FRMD3: variants seen among roughly 807,000 people sequenced by gnomAD.
FRMD3 encodes the protein FERM domain containing 3.
In FRMD3, 33 loss-of-function variants were observed where a neutral mutation model predicts 70.2. That is an observed-to-expected ratio of 0.47 (90% CI 0.36 to 0.63). FRMD3 has a LOEUF of 0.63. Among genes scored for constraint, FRMD3 ranks in the 20% least tolerant of loss-of-function variants. The pLI, the probability that FRMD3 is intolerant of heterozygous loss-of-function variation, is 0.00. For synonymous variants in FRMD3, 279 were observed against 255.9 expected, an observed-to-expected ratio of 1.09 and a Z score of -0.86; for missense variants, 632 against 711.4, an observed-to-expected ratio of 0.89 and a Z score of 1.27.
At position 83,248,328 on chromosome 9, in the gene FRMD3, C is replaced by T. The variant is rs1384517413; in HGVS notation, c.1384G>A (p.Glu462Lys). The change falls in exon 14 of 14, where the codon GAG becomes AAG. Residue 462 changes from glutamate to lysine, a missense_variant. By Grantham distance (56) the Glu-to-Lys change is moderately conservative. This residue lies in a region of FRMD3 where 418 missense variants were observed against 442.1 expected (regional missense o/e 0.95). Transcript: ENST00000304195. ...SLLPTPVDDD[E>K]IDMLFDCPSR... ...GGACAGTCAAAGAGCATGTCAATCT[C>T]ATCGTCATCCACAGGGGTGGGGAGC... The T allele has an allele frequency of 8.7e-6, 14 of 1,614,082 alleles. No individual in the cohort carries two copies. In the Admixed American group the frequency reaches 2.3e-4, roughly 27 times the overall value.
intron 2 of FRMD3, among the ~76,000 whole-genome samples, chr9:83,383,340 A>G (rs11998917): frequency 0.032 from 4,892 of 152,328 alleles, 257 homozygotes; most frequent in African/African-American, 0.11. Context: ...AAGGCTCATT[A>G]AACAGCAATA....
intron 12 of FRMD3, among the ~76,000 whole-genome samples, chr9:83,293,776 G>A: frequency 6.6e-6 from 1 of 152,198 alleles, no homozygotes; most frequent in East Asian, 1.9e-4. Context: ...GGGCATATAG[G>A]ACGTGCCTTG....
the FRMD3 span, among the ~76,000 whole-genome samples, chr9:83,549,842 G>A: frequency 6.6e-6 from 1 of 152,048 alleles, no homozygotes; most frequent in South Asian, 2.1e-4. Flanking sequence ...ATAGATGCTG[G>A]ACATTAGACC....
chr9:83,243,209 A>C, downstream of FRMD3: 1 of 1,550,382 alleles, frequency 6.5e-7, no homozygotes, highest in Non-Finnish European at 8.7e-7. Flanking sequence ...TGTTTACTGC[A>C]TGGAGACTGG....
At chr9:83,338,638 T>G (rs1042926164) in intron 5 of FRMD3, among the ~76,000 whole-genome samples, 1 of 152,176 alleles carries the variant, frequency 6.6e-6, no homozygotes, top group Non-Finnish European at 1.5e-5. Flanking sequence ...ATGAGTTCTA[T>G]AGCATCATTT....
chr9:83,540,817 T>C (rs1829991758), upstream of FRMD3, among the ~76,000 whole-genome samples: 1 of 152,204 alleles, frequency 6.6e-6, no homozygotes, highest in South Asian at 2.1e-4. Context: ...TCAAAGAATA[T>C]CTTGTTAATT....
intron 1 of FRMD3, among the ~76,000 whole-genome samples, chr9:83,498,742 AAAAAG>A (rs4014026): frequency 0.48 from 71,911 of 151,068 alleles, 17,509 homozygotes; most frequent in Middle Eastern, 0.52. Context: ...CCCCTTTAAA[AAAAAG>A]AAAAGAAAAC....
intron 1 of FRMD3, among the ~76,000 whole-genome samples, chr9:83,519,395 T>G (rs1829522760): frequency 6.6e-6 from 1 of 152,102 alleles, no homozygotes; most frequent in Non-Finnish European, 1.5e-5. Flanking sequence ...GAAAAAAAGC[T>G]CATCATCACT....
intron 6 of FRMD3, among the ~76,000 whole-genome samples, chr9:83,314,213 C>T (rs765197351): frequency 2.0e-5 from 3 of 152,110 alleles, no homozygotes; most frequent in Non-Finnish European, 2.9e-5. Flanking sequence ...TCAACCATCC[C>T]ACAGAGAGCC....
At chr9:83,371,349 G>T (rs181981972) in intron 3 of FRMD3, among the ~76,000 whole-genome samples, 4 of 149,942 alleles carry the variant, frequency 2.7e-5, no homozygotes, top group Admixed American at 2.0e-4. Flanking sequence ...CGGAGTCCTG[G>T]TCTGTGGCCC....
chr9:83,371,710 G>C (rs1033591696), intron 3 of FRMD3, among the ~76,000 whole-genome samples: 1 of 152,184 alleles, frequency 6.6e-6, no homozygotes. Flanking sequence ...TGCTCCAGCA[G>C]CCTGGCCTCC....
At chr9:83,497,867 G>T (rs929532506) in intron 1 of FRMD3, among the ~76,000 whole-genome samples, 3 of 152,188 alleles carry the variant, frequency 2.0e-5, no homozygotes, top group Admixed American at 6.5e-5. Flanking sequence ...GAATTTTTTG[G>T]CCAGGAGCGA....
At chr9:83,304,001 C>T (rs1835021907) in intron 10 of FRMD3, among the ~76,000 whole-genome samples, 1 of 152,176 alleles carries the variant, frequency 6.6e-6, no homozygotes, top group South Asian at 2.1e-4. Flanking sequence ...ATATGTGGTG[C>T]TTTGTAAATG....
chr9:83,545,343 GT>G, the FRMD3 span, among the ~76,000 whole-genome samples: 1 of 140,918 alleles, frequency 7.1e-6, no homozygotes, highest in South Asian at 2.3e-4. Flanking sequence ...AGAGAAAAGT[GT>G]TGTTTTTTTT....
Position 83,451,449 on chromosome 9 carries a change from G to A in FRMD3, c.148-61741C>T, listed in dbSNP as rs970019870. On this transcript the variant is annotated intron_variant, in intron 1 of 13. Coordinates refer to ENST00000304195, the MANE Select transcript of FRMD3 (RefSeq NM_174938.6). ...AGTACTGACTAGTCCCTCCCATTCC[G>A]TCTTTATTTTAATGGGCAGCAATGA... Among the ~76,000 whole-genome samples the A allele has an allele frequency of 7.3e-5, 11 of 149,800 alleles. No individual in the cohort carries two copies. In the South Asian group the frequency reaches 8.5e-4, roughly 12 times the overall value.
At chr9:83,538,570 G>A (rs752466606), upstream of FRMD3, 4 of 199,208 alleles carry the variant, frequency 2.0e-5, no homozygotes, top group African/African-American at 6.9e-5. This position sits in a 1 kb window ranked among gnomAD's most constrained non-coding sequence, Gnocchi z 4.7. Context: ...CACGCGCGCC[G>A]AGCAGCTGAA....
intron 1 of FRMD3, among the ~76,000 whole-genome samples, chr9:83,434,001 T>A (rs114945660): frequency 0.011 from 1,641 of 152,272 alleles, 31 homozygotes; most frequent in African/African-American, 0.037. Flanking sequence ...ATTCTGCAAA[T>A]TCCCTCTTGA....
chr9:83,546,212 C>A, the FRMD3 span, among the ~76,000 whole-genome samples: 31 of 152,230 alleles, frequency 2.0e-4, no homozygotes, highest in Middle Eastern at 6.8e-3. Flanking sequence ...CAAAAATTAG[C>A]CAGGCATGGC....
intron 13 of FRMD3, among the ~76,000 whole-genome samples, chr9:83,269,601 C>T (rs1833452142): frequency 6.6e-6 from 1 of 151,900 alleles, no homozygotes; most frequent in Non-Finnish European, 1.5e-5. Flanking sequence ...CCCAGGTACT[C>T]GGGAGGCTGA....
Sources: allele counts gnomAD v4.1 joint callset (sites outside exome capture counted in the v4.1 genomes callset), GRCh38; gene constraint gnomAD v4.1.1; regional missense constraint gnomAD v4.1.1; non-coding constraint Gnocchi (gnomAD v3.1); transcripts MANE v1.5; gene names NCBI Gene and HGNC (gene_info 2026-07-23, HGNC 2026-07-21).